MRTFB: variants seen among roughly 807,000 people sequenced by gnomAD.
MRTFB encodes the protein myocardin-related transcription factor B.
In MRTFB, 29 loss-of-function variants were observed where a neutral mutation model predicts 104.2. The ratio of observed to expected loss-of-function variants is 0.28; its 90% CI spans 0.21 to 0.38. MRTFB has a LOEUF of 0.38. MRTFB is among the 10% of genes least tolerant of loss of function. MRTFB has a pLI of 1.00. For synonymous variants in MRTFB, 535 were observed against 519.5 expected (o/e 1.03, Z -0.41); for missense variants, 1,270 against 1,341.6 (o/e 0.95, Z 0.83).
At chr16:14,037,159 A>G in the MRTFB span, among the ~76,000 whole-genome samples, 1 of 152,218 alleles carries the variant, frequency 6.6e-6, no homozygotes, top group Non-Finnish European at 1.5e-5. Flanking sequence ...CAGCTCTGCC[A>G]CTTACGAGAT....
At chr16:14,185,613 A>G (rs1597186204) in intron 3 of MRTFB, among the ~76,000 whole-genome samples, 3 of 151,918 alleles carry the variant, frequency 2.0e-5, no homozygotes, top group African/African-American at 7.3e-5. Context: ...CATTCACTCA[A>G]CCATGCTACA....
chr16:14,139,814 G>T lies in MRTFB; in HGVS notation c.-63-730G>T, dbSNP rs544492923. Among the ~76,000 whole-genome samples, 3 of 152,180 alleles carry T rather than the reference G, an allele frequency of 2.0e-5. No homozygotes were observed. The South Asian group carries it at 6.2e-4, about 32-fold the overall frequency. On this transcript the variant is annotated intron_variant, in intron 2 of 16. Transcript: ENST00000571589. ...TAAGCAGACAACAAAGAATTTTATC[G>T]AATGTTTTGCCACTGCCATAACATG...
At chr16:14,253,922 T>G (rs770792768) in intron 15 of MRTFB, among the ~76,000 whole-genome samples, 12 of 152,194 alleles carry the variant, frequency 7.9e-5, no homozygotes, top group Non-Finnish European at 1.6e-4. Flanking sequence ...TCATGGTCCA[T>G]TCGGAGTGAC....
chr16:14,197,374 C>T (rs1465174659), intron 3 of MRTFB, among the ~76,000 whole-genome samples: 1 of 151,932 alleles, frequency 6.6e-6, no homozygotes, highest in Non-Finnish European at 1.5e-5. Context: ...ACTCATAGCC[C>T]CTCCTTTTTA....
At chr16:14,037,286 C>T in the MRTFB span, among the ~76,000 whole-genome samples, 36 of 152,270 alleles carry the variant, frequency 2.4e-4, 1 homozygote, top group Middle Eastern at 3.4e-3. Context: ...ATATTGCTGG[C>T]GCTCAATAGA....
chr16:14,074,006 A>G (rs746914808), intron 1 of MRTFB, among the ~76,000 whole-genome samples: 5 of 152,160 alleles, frequency 3.3e-5, no homozygotes, highest in Admixed American at 6.5e-5. Context: ...ATATGTTACA[A>G]TGTTACCTAC....
upstream of MRTFB, among the ~76,000 whole-genome samples, chr16:14,066,710 A>G (rs1414616764): frequency 6.9e-6 from 1 of 144,824 alleles, no homozygotes; most frequent in Non-Finnish European, 1.5e-5. Context: ...TCTCTCTCTC[A>G]TGCCCAGGCT....
chr16:14,033,220 C>G, the MRTFB span, among the ~76,000 whole-genome samples: 1 of 151,888 alleles, frequency 6.6e-6, no homozygotes, highest in African/African-American at 2.4e-5. Flanking sequence ...GGCAATGTAG[C>G]AAGGCCCCAT....
rs563573303 is a variant in MRTFB, at chr16:14,094,258, T to C, written c.-64+14904T>C. ...CAGTTTTTTTAATGACTGATAAATA[T>C]AACTCAAAAAGGAGCATTAAATAAT... On this transcript the variant is annotated intron_variant, in intron 2 of 16. Coordinates refer to ENST00000571589, the MANE Select transcript of MRTFB (RefSeq NM_001308142.2). 1.1e-4 allele frequency among the ~76,000 whole-genome samples: 17 copies of C among 152,276 alleles called. No homozygotes were observed. The South Asian group carries it at 1.9e-3, about 17-fold the overall frequency.
chr16:14,097,015 A>G (rs1274371352), intron 2 of MRTFB, among the ~76,000 whole-genome samples: 2 of 152,222 alleles, frequency 1.3e-5, no homozygotes, highest in Non-Finnish European at 2.9e-5. Flanking sequence ...AGCATTTATT[A>G]TCTTAACTTT....
chr16:14,246,779 C>T lies in MRTFB; in HGVS notation c.1519C>T (p.Pro507Ser). 1.9e-6 allele frequency: 3 copies of T among 1,613,944 alleles called. No homozygotes were observed. The highest frequency in any genetic ancestry group is 2.5e-6 in the Non-Finnish European group (3 of 1,180,040). ...TGTTCATTCCCCTCTGCCCATTTCA[C>T]CATCTCCCTCCGAACAGTCCAGTCT... ...ENVHSPLPISPSPSEQSSLST... is the reference protein window; with the variant it reads ...ENVHSPLPISSSPSEQSSLST... The change falls in exon 12 of 17, where the codon CCA (proline) becomes TCA (serine). Residue 507 changes from proline to serine, a missense_variant. Physicochemically the swap from Pro to Ser is moderately conservative, Grantham distance 74. Coordinates refer to ENST00000571589, the MANE Select transcript of MRTFB (RefSeq NM_001308142.2).
intron 2 of MRTFB, among the ~76,000 whole-genome samples, chr16:14,097,385 A>G (rs1010672394): frequency 1.3e-5 from 2 of 152,218 alleles, no homozygotes; most frequent in African/African-American, 2.4e-5. Flanking sequence ...CGGTTTGTTC[A>G]CTTTCCCATC....
At chr16:14,002,478 AAAC>A in the MRTFB span, among the ~76,000 whole-genome samples, 4 of 145,634 alleles carry the variant, frequency 2.7e-5, no homozygotes, top group African/African-American at 5.1e-5. Flanking sequence ...AAACAACTGA[AAAC>A]AAATTAGAAA....
intron 3 of MRTFB, among the ~76,000 whole-genome samples, chr16:14,166,701 C>T (rs1194109158): frequency 6.6e-6 from 1 of 151,886 alleles, no homozygotes; most frequent in Non-Finnish European, 1.5e-5. Flanking sequence ...TGTTGTTCCC[C>T]TCCCTGTGTC....
At chr16:14,075,708 G>A (rs1385536832) in intron 1 of MRTFB, among the ~76,000 whole-genome samples, 3 of 151,990 alleles carry the variant, frequency 2.0e-5, no homozygotes, top group East Asian at 1.9e-4. Flanking sequence ...TCCTCACCCC[G>A]GCTTTTTAAA....
chr16:14,150,656 C>G (rs1229032721), intron 3 of MRTFB, among the ~76,000 whole-genome samples: 1 of 152,052 alleles, frequency 6.6e-6, no homozygotes, highest in East Asian at 1.9e-4. Context: ...CAATATATAG[C>G]AAGACCTCAT....
upstream of MRTFB, among the ~76,000 whole-genome samples, chr16:14,069,263 G>A (rs189380968): frequency 1.1e-4 from 16 of 152,176 alleles, no homozygotes; most frequent in South Asian, 2.1e-4. Context: ...GAGCCACTGC[G>A]CCCAGCCCAG....
the MRTFB span, among the ~76,000 whole-genome samples, chr16:14,024,710 G>A: frequency 6.6e-6 from 1 of 152,146 alleles, no homozygotes; most frequent in Non-Finnish European, 1.5e-5. Flanking sequence ...CTGAGAGGTG[G>A]TGCAAGAAAT....
chr16:14,242,544 A>G (rs1037210937), intron 10 of MRTFB, among the ~76,000 whole-genome samples: 1 of 152,206 alleles, frequency 6.6e-6, no homozygotes, highest in African/African-American at 2.4e-5. Flanking sequence ...TGGAAGTCAT[A>G]GAGTGCCCAT....
Sources: allele counts gnomAD v4.1 joint callset (sites outside exome capture counted in the v4.1 genomes callset), GRCh38; gene constraint gnomAD v4.1.1; transcripts MANE v1.5; gene names NCBI Gene and HGNC (gene_info 2026-07-23, HGNC 2026-07-21).